The following SYNJ2 variants were observed in gnomAD, a reference collection of about 807,000 sequenced individuals.
The protein encoded by SYNJ2 is polyphosphatidylinositol phosphatase SYNJ2.
In SYNJ2, 116 loss-of-function variants were observed where a neutral mutation model predicts 141.3. That is an observed-to-expected ratio of 0.82 (90% CI 0.71 to 0.96). The LOEUF (loss-of-function observed/expected upper bound fraction) is 0.96. SYNJ2 is among the 40% of genes least tolerant of loss of function. SYNJ2 has a pLI of 0.00. For synonymous variants in SYNJ2, 745 were observed against 777.7 expected (o/e 0.96, Z 0.70); for missense variants, 1,873 against 1,934.8 (o/e 0.97, Z 0.60).
At chr6:157,994,091 A>C (rs1299798606) in intron 1 of SYNJ2, among the ~76,000 whole-genome samples, 1 of 152,008 alleles carries the variant, frequency 6.6e-6, no homozygotes, top group Non-Finnish European at 1.5e-5. Flanking sequence ...CTGGGATTAC[A>C]TTACAGGTGT....
At chr6:157,993,276 C>T (rs9365682) in intron 1 of SYNJ2, among the ~76,000 whole-genome samples, 42,393 of 151,928 alleles carry the variant, frequency 0.28, 6,044 homozygotes, top group Middle Eastern at 0.32. Context: ...CTTTTTCTGA[C>T]GATCAGTGAT....
At chr6:158,017,849 C>T (rs996867062) in intron 2 of SYNJ2, 8 of 507,152 alleles carry the variant, frequency 1.6e-5, no homozygotes, top group African/African-American at 7.8e-5. Flanking sequence ...GTGGGGTTCC[C>T]GGCACCCCCA....
intron 7 of SYNJ2, 151 bp downstream of exon 7, chr6:158,059,504 C>G (rs963182576): frequency 2.3e-5 from 33 of 1,438,206 alleles, no homozygotes; most frequent in Middle Eastern, 2.5e-4. Flanking sequence ...GACCAGTGAA[C>G]ACGGCAGTGC....
Position 158,097,683 on chromosome 6 carries a change from G to A in SYNJ2, c.*1319G>A, listed in dbSNP as rs1783861189. The A allele has an allele frequency of 6.6e-6, 1 of 152,090 alleles. No homozygotes were observed. The allele number at this position is 152,090 out of a possible 1,614,324, so 9.4% of individuals were successfully genotyped here. The stretch of plus-strand genomic sequence containing the variant: ...AGGATAGTAAGGATCATCTTGCCTG[G>A]GCTATGCCACTGTCTTGTTACCAAT... On this transcript the variant is annotated 3_prime_UTR_variant, in exon 27 of 27. Coordinates refer to ENST00000355585, the MANE Select transcript of SYNJ2 (RefSeq NM_003898.4).
At chr6:157,998,463 A>G (rs1379638931) in intron 1 of SYNJ2, among the ~76,000 whole-genome samples, 1 of 152,246 alleles carries the variant, frequency 6.6e-6, no homozygotes, top group Non-Finnish European at 1.5e-5. Context: ...TTGACGTTCC[A>G]TCTTGATTGG....
chr6:158,071,833 C>A lies in SYNJ2; in HGVS notation c.2133+39C>A. 6.3e-7 allele frequency: 1 copy of A among 1,595,176 alleles called. No individual in the cohort carries two copies. Among genetic ancestry groups the A allele is most frequent in the South Asian group, 1.1e-5 (1 of 88,124 alleles). ...TGGGGACAGCCAGCACCTCCCTGCTCAGCTCAGTCCCAAATGTGACTGTTG... is the reference window on the plus strand; with the variant it reads ...TGGGGACAGCCAGCACCTCCCTGCTAAGCTCAGTCCCAAATGTGACTGTTG... On this transcript the variant is annotated intron_variant, in intron 15 of 26. Transcript: ENST00000355585. This position sits in a 1 kb window ranked among gnomAD's most constrained non-coding sequence, Gnocchi z 4.3.
In SYNJ2 at chr6:158,081,259, G is replaced by C; in HGVS notation, c.2718G>C (p.Glu906Asp). The change falls in exon 19 of 27, where the codon GAG (glutamate) becomes GAC (aspartate). Residue 906 changes from glutamate to aspartate, a missense_variant. By Grantham distance (45) the Glu-to-Asp change is conservative. Coordinates refer to ENST00000355585, the MANE Select transcript of SYNJ2 (RefSeq NM_003898.4). ...CACCGACCTTAGAAGAGAAAAACGA[G>C]TTTCCAGAGGACCTGCGTACTGAGC... ...LQSPTLEEKN[E>D]FPEDLRTELM... 1 of 1,614,164 alleles carries C rather than the reference G, an allele frequency of 6.2e-7. No individual in the cohort carries two copies. The highest frequency in any genetic ancestry group is 8.5e-7 in the Non-Finnish European group (1 of 1,180,030).
At chr6:158,041,616 C>T (rs952386647) in intron 4 of SYNJ2, among the ~76,000 whole-genome samples, 3 of 152,160 alleles carry the variant, frequency 2.0e-5, no homozygotes, top group African/African-American at 7.2e-5. Context: ...TTGGGAGGAG[C>T]CTGATGTGAT....
chr6:158,067,439 T>A, intron 12 of SYNJ2: 1 of 985,212 alleles, frequency 1.0e-6, no homozygotes, highest in Non-Finnish European at 1.2e-6. Context: ...ATAAAATAAT[T>A]CCAAATGTTG....
chr6:158,001,412 T>C (rs1777851828), intron 1 of SYNJ2: 1 of 150,062 alleles, frequency 6.7e-6, no homozygotes, highest in Admixed American at 6.6e-5. Flanking sequence ...TTTTTTTTTT[T>C]TGAGATGGAG....
rs748459692 is a variant in SYNJ2 at position 158,043,373 on chromosome 6, C to G, written c.769C>G (p.Leu257Val). The G allele has an allele frequency of 5.0e-6, 8 of 1,614,046 alleles. No homozygotes were observed. Among genetic ancestry groups the G allele is most frequent in the African/African-American group, 1.3e-5 (1 of 74,942 alleles). The part of the protein sequence containing the change: ...SFVQIRGSVP[L>V]FWEQPGLQVG... ...TGTCCAGATCAGAGGCTCCGTTCCG[C>G]TGTTCTGGGAACAGCCAGGGCTTCA... The change falls in exon 5 of 27, where the codon CTG becomes GTG. Residue 257 changes from leucine (L) to valine (V), a missense_variant. By Grantham distance (32) the Leu-to-Val change is conservative. Coordinates refer to ENST00000355585, the MANE Select transcript of SYNJ2 (RefSeq NM_003898.4). This position sits in a 1 kb window ranked among gnomAD's most constrained non-coding sequence, Gnocchi z 4.0.
In SYNJ2 at chr6:158,066,575, G is replaced by A; in HGVS notation, c.1657G>A (p.Ala553Thr). The A allele has an allele frequency of 4.3e-6, 7 of 1,614,152 alleles. No individual in the cohort carries two copies. The highest frequency in any genetic ancestry group is 5.9e-6 in the Non-Finnish European group (7 of 1,180,046). ...GTTCCGGAGCAACGTGCTCAGGACG[G>A]CGGAGCTGACAGACTGGCTGCTCGA... is the stretch of plus-strand genomic sequence containing the variant. Reference protein sequence around the residue: ...KQFRSNVLRTAELTDWLLDSP... With the variant: ...KQFRSNVLRTTELTDWLLDSP... Residue 553 changes from alanine (A) to threonine (T), a missense_variant, in exon 12 of 27, where the codon GCG becomes ACG. Transcript: ENST00000355585.
chr6:158,028,353 G>C (rs375558848), intron 2 of SYNJ2: 56 of 199,916 alleles, frequency 2.8e-4, no homozygotes, highest in Admixed American at 2.1e-3. Context: ...CACTGGGGAA[G>C]GTGATTTGGA....
intron 23 of SYNJ2, among the ~76,000 whole-genome samples, chr6:158,087,399 C>T (rs1783122358): frequency 6.6e-6 from 1 of 152,174 alleles, no homozygotes; most frequent in South Asian, 2.1e-4. Context: ...CTGGAGGTGA[C>T]CTGGTCACCC....
chr6:157,984,845 T>A (rs1777140245), intron 1 of SYNJ2, among the ~76,000 whole-genome samples: 2 of 152,212 alleles, frequency 1.3e-5, no homozygotes, highest in Non-Finnish European at 2.9e-5. Context: ...AGCTTCCTTT[T>A]CTCTTCAGCT....
At chr6:158,006,968 C>T (rs142172383) in intron 1 of SYNJ2, among the ~76,000 whole-genome samples, 163 of 151,818 alleles carry the variant, frequency 1.1e-3, no homozygotes, top group African/African-American at 3.4e-3. Context: ...GCCATGGCAC[C>T]GATCTGTTTA....
At chr6:157,997,047 G>A (rs935425484) in intron 1 of SYNJ2, among the ~76,000 whole-genome samples, 4 of 86,068 alleles carry the variant, frequency 4.6e-5, no homozygotes, top group East Asian at 3.7e-4. Flanking sequence ...ACCCAGCTTC[G>A]TGACTGCAGT....
In SYNJ2 at chr6:158,071,682, TC is replaced by T. The variant is rs779063483; in HGVS notation, c.2023del (p.His675ThrfsTer12). ...NKGAVGIRFQ[F>X]HSTSFCFICS... ...GGCGCCGTCGGCATCCGCTTCCAGT[TC>T]CACAGCACCAGCTTCTGCTTCATAT... On this transcript the variant is annotated frameshift_variant, in exon 15 of 27. Transcript: ENST00000355585. LOFTEE classifies it high-confidence loss of function. The surrounding 1 kb of genome is among the most constrained non-coding windows in gnomAD (Gnocchi z 4.3). The T allele has an allele frequency of 6.2e-7, 1 of 1,614,068 alleles. No individual in the cohort carries two copies. The highest frequency in any genetic ancestry group is 1.1e-5 in the South Asian group (1 of 91,080).
Position 158,095,807 on chromosome 6 carries a change from C to A in SYNJ2, c.3934C>A (p.Pro1312Thr), listed in dbSNP as rs781630027. ...CAGGAAGCCAGCATCAGACGAAGCC[C>A]CTCCTGGGGCAGGAGCCTCTGTGCC... ...SHRKPASDEA[P>T]PGAGASVPPP... The change falls in exon 27 of 27, where the codon CCT becomes ACT. Residue 1312 changes from proline (P) to threonine (T), a missense_variant. Physicochemically the swap from Pro to Thr is conservative, Grantham distance 38. Coordinates refer to ENST00000355585, the MANE Select transcript of SYNJ2 (RefSeq NM_003898.4). The A allele has an allele frequency of 6.2e-7, 1 of 1,614,164 alleles. No individual in the cohort carries two copies. The highest frequency in any genetic ancestry group is 1.3e-5 in the African/African-American group (1 of 75,060).
Sources: allele counts gnomAD v4.1 joint callset (sites outside exome capture counted in the v4.1 genomes callset), GRCh38; gene constraint gnomAD v4.1.1; non-coding constraint Gnocchi (gnomAD v3.1); transcripts MANE v1.5; gene names NCBI Gene and HGNC (gene_info 2026-07-23, HGNC 2026-07-21).